VSIR: variants seen among roughly 807,000 people sequenced by gnomAD.
The protein encoded by VSIR is V-set immunoregulatory receptor.
In VSIR, 10 loss-of-function variants were observed where a neutral mutation model predicts 31.0. That is an observed-to-expected ratio of 0.32 (90% CI 0.20 to 0.55). The LOEUF (loss-of-function observed/expected upper bound fraction) is 0.55. VSIR is among the 20% of genes least tolerant of loss of function. The probability of loss-of-function intolerance (pLI) is 0.93; values close to 1 mark genes in which losing one functional copy is unlikely to be tolerated. For synonymous variants in VSIR, 179 were observed against 180.1 expected (o/e 0.99, Z 0.05); for missense variants, 356 against 416.2 (o/e 0.86, Z 1.26).
chr10:71,752,757 G>A (rs1416671482), intron 5 of VSIR, among the ~76,000 whole-genome samples: 2 of 152,126 alleles, frequency 1.3e-5, no homozygotes, highest in Non-Finnish European at 2.9e-5. Flanking sequence ...GAAGGTGGGT[G>A]CATGACACAT....
intron 1 of VSIR, among the ~76,000 whole-genome samples, chr10:71,769,841 G>A (rs1458773093): frequency 2.4e-4 from 37 of 152,224 alleles, no homozygotes; most frequent in Non-Finnish European, 4.4e-5. Context: ...TTTGTCTTTG[G>A]TGATGGCCAG....
At chr10:71,768,720 T>A (rs1840616176) in intron 1 of VSIR, among the ~76,000 whole-genome samples, 1 of 151,702 alleles carries the variant, frequency 6.6e-6, no homozygotes, top group Non-Finnish European at 1.5e-5. Context: ...CTTCAAGAGA[T>A]CCTCCCACCT....
Position 71,755,663 on chromosome 10 carries a change from G to A in VSIR, c.569-197C>T, listed in dbSNP as rs1167007874. ...TTTCAAAGAGAGCCCTGTGCCTGCC[G>A]CCCTATGCCCCTGGAGCACTCAGAA... On this transcript the variant is annotated intron_variant, in intron 3 of 6. Coordinates refer to ENST00000394957, the MANE Select transcript of VSIR (RefSeq NM_022153.2). Among the ~76,000 whole-genome samples the A allele has an allele frequency of 3.3e-5, 5 of 152,090 alleles. No homozygotes were observed. The East Asian group carries it at 9.6e-4, about 29-fold the overall frequency.
chr10:71,761,607 C>T lies in VSIR; in HGVS notation c.502G>A (p.Val168Met). ...HRVHGAMELQVQTGKDAPSNC... is the reference protein window; with the variant it reads ...HRVHGAMELQMQTGKDAPSNC... Reference sequence around the variant, plus strand: ...TGCAGGATGCCCTCACCTGTCTGCACCTGCAGCTCCATGGCACCATGGACC... The same window carrying T: ...TGCAGGATGCCCTCACCTGTCTGCATCTGCAGCTCCATGGCACCATGGACC... Residue 168 changes from valine to methionine, a missense_variant, in exon 2 of 7, where the codon GTG becomes ATG. Physicochemically the swap from Val to Met is conservative, Grantham distance 21. This residue lies in a region of VSIR where 190 missense variants were observed against 185.2 expected (regional missense o/e 1.03). Transcript: ENST00000394957. 1 of 1,589,734 alleles carries T rather than the reference C, an allele frequency of 6.3e-7. No individual in the cohort carries two copies. Among genetic ancestry groups the T allele is most frequent in the Non-Finnish European group, 8.6e-7 (1 of 1,167,066 alleles).
At chr10:71,772,064 G>A (rs1195316885) in intron 1 of VSIR, among the ~76,000 whole-genome samples, 1 of 152,168 alleles carries the variant, frequency 6.6e-6, no homozygotes, top group Non-Finnish European at 1.5e-5. Flanking sequence ...CATGGCCTTG[G>A]TGCTGAGACT....
At chr10:71,760,006 TATATACACACACACATATATAC>T (rs1840288546) in intron 3 of VSIR, among the ~76,000 whole-genome samples, 1 of 85,708 alleles carries the variant, frequency 1.2e-5, no homozygotes, top group African/African-American at 3.7e-5. Flanking sequence ...CACATACATA[TATATACACACACACATATATAC>T]ACACACACAC....
chr10:71,755,674 C>T (rs566857868), intron 3 of VSIR, among the ~76,000 whole-genome samples: 1 of 152,264 alleles, frequency 6.6e-6, no homozygotes, highest in South Asian at 2.1e-4. Context: ...CCCTATGCCC[C>T]TGGAGCACTC....
At chr10:71,752,855 G>T (rs1235244863) in intron 5 of VSIR, 120 bp downstream of exon 5, 1 of 1,213,076 alleles carries the variant, frequency 8.2e-7, no homozygotes, top group Non-Finnish European at 1.1e-6. Context: ...GCAGCAGATG[G>T]CAGAGGCTCT....
chr10:71,761,428 A>T (rs772730035), intron 2 of VSIR, among the ~76,000 whole-genome samples, 170 bp downstream of exon 2: 63 of 151,074 alleles, frequency 4.2e-4, no homozygotes, highest in Non-Finnish European at 7.7e-4. Context: ...CTAACTACAA[A>T]CCCACACTCC....
intron 1 of VSIR, among the ~76,000 whole-genome samples, chr10:71,771,881 A>C (rs142310452): frequency 6.0e-4 from 92 of 152,228 alleles, no homozygotes; most frequent in African/African-American, 2.2e-3. Context: ...GGGCTGCTGA[A>C]CAGAGGGCAG....
At chr10:71,764,182 C>T (rs375542857) in intron 1 of VSIR, among the ~76,000 whole-genome samples, 2 of 152,174 alleles carry the variant, frequency 1.3e-5, no homozygotes, top group Admixed American at 6.5e-5. Flanking sequence ...CTTCAGGTAA[C>T]GCAGGATCTA....
In VSIR at chr10:71,748,968, G is replaced by A. The variant is rs1839923343; in HGVS notation, c.*2285C>T. ...CCCAGATGCGTTCAGTTGTAAAAGG[G>A]TCCAGAGAAGAGAGGGCAGGGCCGC... is the stretch of plus-strand genomic sequence containing the variant. On this transcript the variant is annotated 3_prime_UTR_variant, in exon 7 of 7. Transcript: ENST00000394957. 6.5e-6 allele frequency: 1 copy of A among 152,682 alleles called. No individual in the cohort carries two copies. Among genetic ancestry groups the A allele is most frequent in the African/African-American group, 2.4e-5 (1 of 41,464 alleles). The allele number at this position is 152,682 out of a possible 1,614,324, so 9.5% of individuals were successfully genotyped here.
chr10:71,752,881 T>C, intron 5 of VSIR, 94 bp downstream of exon 5: 1 of 1,431,348 alleles, frequency 7.0e-7, no homozygotes, highest in Non-Finnish European at 9.6e-7. Context: ...CCAGCTGCTC[T>C]AGGCAGCTAA....
chr10:71,765,281 C>G (rs565296845), intron 1 of VSIR, among the ~76,000 whole-genome samples: 1 of 152,232 alleles, frequency 6.6e-6, no homozygotes, highest in African/African-American at 2.4e-5. Context: ...GCTTCAGCTA[C>G]GGTAGTATTT....
rs1840004889 is a variant in VSIR, at chr10:71,751,639, T to C, written c.898+29A>G. ...CATGAGGTCATGACCTTACAGGTCA[T>C]CGTGCTGTGAAGGTCAGGAAACACT... On this transcript the variant is annotated intron_variant, in intron 6 of 6. Transcript: ENST00000394957. This position sits in a 1 kb window ranked among gnomAD's most constrained non-coding sequence, Gnocchi z 4.9. 2 of 1,512,730 alleles carry C rather than the reference T, an allele frequency of 1.3e-6. No homozygotes were observed. The highest frequency in any genetic ancestry group is 1.4e-5 in the African/African-American group (1 of 71,582). 93.7% of individuals were successfully genotyped at this position (1,512,730 alleles called of 1,614,324 possible). A position where few individuals can be genotyped will look rare whatever the true frequency, so the allele number is the denominator to read the frequency against.
intron 3 of VSIR, among the ~76,000 whole-genome samples, chr10:71,760,080 T>TAC (rs1471239691): frequency 7.5e-6 from 1 of 132,522 alleles, no homozygotes; most frequent in African/African-American, 2.8e-5. Flanking sequence ...CACATATATA[T>TAC]ACACACACAT....
chr10:71,771,862 C>G (rs1233161335), intron 1 of VSIR, among the ~76,000 whole-genome samples: 1 of 152,062 alleles, frequency 6.6e-6, no homozygotes, highest in Admixed American at 6.5e-5. Context: ...AGAAATGTTT[C>G]TCAAATTGGG....
intron 3 of VSIR, chr10:71,760,589 G>C (rs1049762914): frequency 1.0e-5 from 4 of 401,672 alleles, no homozygotes; most frequent in African/African-American, 8.1e-5. Flanking sequence ...CCCAGTACCT[G>C]TCATGAGGCA....
At chr10:71,773,287 C>A in intron 1 of VSIR, 71 bp downstream of exon 1, 1 of 1,510,706 alleles carries the variant, frequency 6.6e-7, no homozygotes. Context: ...ACGCCCCCAT[C>A]CCACAGTTCC....
Sources: gnomAD v4.1 joint callset for allele counts (sites outside exome capture counted in the v4.1 genomes callset) on GRCh38, gnomAD v4.1.1 for gene constraint, gnomAD v4.1.1 regional missense constraint, Gnocchi (gnomAD v3.1) non-coding constraint, MANE v1.5 for transcripts, NCBI Gene and HGNC (gene_info 2026-07-23, HGNC 2026-07-21) for gene names.